Variants in FHOD3 observed in about 807,000 individuals in gnomAD.
FHOD3 encodes FH1/FH2 domain-containing protein 3.
A neutral mutation model predicts 173.0 loss-of-function variants in FHOD3; 90 were observed. That is an observed-to-expected ratio of 0.52 (90% CI 0.44 to 0.62). FHOD3 has a LOEUF of 0.62. Among genes scored for constraint, FHOD3 ranks in the 20% least tolerant of loss-of-function variants. FHOD3 has a pLI of 0.00. For synonymous variants in FHOD3, 828 were observed against 823.0 expected (o/e 1.01, Z -0.10); for missense variants, 1,945 against 2,034.7 (o/e 0.96, Z 0.85).
intron 13 of FHOD3, 52 bp from the exon 14 acceptor site, chr18:36,658,023 G>T: frequency 7.5e-7 from 1 of 1,332,480 alleles, no homozygotes; most frequent in South Asian, 1.2e-5. Flanking sequence ...TTACTGACTT[G>T]TACTTATTTC....
At chr18:36,678,353 A>G (rs2037997035) in intron 14 of FHOD3, among the ~76,000 whole-genome samples, 1 of 152,032 alleles carries the variant, frequency 6.6e-6, no homozygotes, top group Non-Finnish European at 1.5e-5. Context: ...CTTGAGCAAC[A>G]TGGCAAAACC....
At chr18:36,448,270 T>A (rs1208144881) in intron 3 of FHOD3, among the ~76,000 whole-genome samples, 1 of 152,230 alleles carries the variant, frequency 6.6e-6, no homozygotes, top group African/African-American at 2.4e-5. Context: ...GAGTCCACTC[T>A]GTATTTTCTG....
Position 36,747,013 on chromosome 18 carries a change from C to T in FHOD3, c.4110C>T (p.His1370=). ...MERRCKASWD[H]LKAIAKHEMK... Reference sequence around the variant, plus strand: ...GAAGATGCAAAGCTTCATGGGATCACCTCAAGGCAATTGCAAAACATGAAA... The same window carrying T: ...GAAGATGCAAAGCTTCATGGGATCATCTCAAGGCAATTGCAAAACATGAAA... Residue 1370 remains histidine (H), a synonymous_variant, in exon 24 of 29, where the codon CAC becomes CAT. Transcript: ENST00000590592. The T allele has an allele frequency of 6.2e-7, 1 of 1,613,956 alleles. No individual in the cohort carries two copies. The highest frequency in any genetic ancestry group is 8.5e-7 in the Non-Finnish European group (1 of 1,179,984).
intron 3 of FHOD3, among the ~76,000 whole-genome samples, chr18:36,438,412 C>T (rs1336724511): frequency 1.3e-5 from 2 of 152,110 alleles, no homozygotes; most frequent in African/African-American, 4.8e-5. Context: ...TAAAAACTTC[C>T]CTCTCCCACC....
chr18:36,658,008 C>A, intron 13 of FHOD3, 67 bp from the exon 14 acceptor site: 2 of 1,196,838 alleles, frequency 1.7e-6, no homozygotes, highest in Non-Finnish European at 2.5e-6. Context: ...TTTGCTAAGT[C>A]TTATTTACTG....
rs1365056549 is a variant in FHOD3, at chr18:36,614,863, T to G, written c.957+2768T>G. ...TGATTTTTTTTTTTTTTTTTTTTTT[T>G]TTTGAGATGGAGCTTTTTCTCTTGT... On this transcript the variant is annotated intron_variant, in intron 9 of 28. Coordinates refer to ENST00000590592, the MANE Select transcript of FHOD3 (RefSeq NM_001281740.3). Among the ~76,000 whole-genome samples the G allele has an allele frequency of 2.3e-5, 3 of 130,062 alleles. No individual in the cohort carries two copies. The East Asian group carries it at 5.8e-4, about 25-fold the overall frequency. 85.3% of individuals were successfully genotyped at this position (130,062 alleles called of 152,430 possible).
intron 5 of FHOD3, among the ~76,000 whole-genome samples, chr18:36,560,842 G>GTTTTTTTTTTTTTTTGTTT (rs1318480145): frequency 7.8e-6 from 1 of 127,574 alleles, no homozygotes; most frequent in African/African-American, 2.9e-5. Context: ...TTTTTTTTCT[G>GTTTTTTTTTTTTTTTGTTT]TTTTTTTTTT....
intron 3 of FHOD3, among the ~76,000 whole-genome samples, chr18:36,498,371 C>T (rs928968719): frequency 6.6e-6 from 1 of 152,026 alleles, no homozygotes; most frequent in African/African-American, 2.4e-5. Flanking sequence ...TAGGAAAAAA[C>T]CTCTAATGAA....
At chr18:36,563,360 C>T (rs1031627649) in intron 5 of FHOD3, among the ~76,000 whole-genome samples, 1 of 152,202 alleles carries the variant, frequency 6.6e-6, no homozygotes, top group Non-Finnish European at 1.5e-5. Flanking sequence ...GTGCCAGACA[C>T]TTCATAATAC....
chr18:36,321,840 C>G (rs1245216733), intron 1 of FHOD3, among the ~76,000 whole-genome samples: 1 of 152,220 alleles, frequency 6.6e-6, no homozygotes, highest in Non-Finnish European at 1.5e-5. Flanking sequence ...TTTCTGTTTC[C>G]TGCATTCACT....
intron 9 of FHOD3, among the ~76,000 whole-genome samples, chr18:36,624,454 A>C (rs2033941402): frequency 1.3e-5 from 2 of 152,202 alleles, no homozygotes; most frequent in Admixed American, 1.3e-4. Flanking sequence ...GCGTAGGCAT[A>C]ACAATTAGAG....
chr18:36,393,164 T>C (rs2048382163), intron 3 of FHOD3, among the ~76,000 whole-genome samples: 1 of 152,254 alleles, frequency 6.6e-6, no homozygotes, highest in Non-Finnish European at 1.5e-5. Flanking sequence ...CTGGGACGGC[T>C]GCAGGGCAGA....
chr18:36,718,674 C>A lies in FHOD3; in HGVS notation c.3376C>A (p.His1126Asn), dbSNP rs1423536599. The A allele has an allele frequency of 6.8e-6, 11 of 1,614,012 alleles. No individual in the cohort carries two copies. The South Asian group carries it at 1.1e-4, about 16-fold the overall frequency. Residue 1126 changes from histidine (H) to asparagine (N), a missense_variant, in exon 19 of 29, where the codon CAC (histidine) becomes AAC (asparagine). This residue lies in a region of FHOD3 where 231 missense variants were observed against 321.9 expected (regional missense o/e 0.72). Coordinates refer to ENST00000590592, the MANE Select transcript of FHOD3 (RefSeq NM_001281740.3). ...TAAGGTGGACACTTCCAGACTGGAGCACCTGTTTGAGTCTAAATCCAAGGA... is the reference window on the plus strand; with the variant it reads ...TAAGGTGGACACTTCCAGACTGGAGAACCTGTTTGAGTCTAAATCCAAGGA... ...PIKVDTSRLE[H>N]LFESKSKELS...
intron 24 of FHOD3, among the ~76,000 whole-genome samples, chr18:36,750,877 A>G (rs926474950): frequency 6.6e-6 from 1 of 152,160 alleles, no homozygotes; most frequent in Non-Finnish European, 1.5e-5. Context: ...TGCTGTCGCA[A>G]TTACTGTAGC....
At chr18:36,707,148 G>C (rs1419799091) in intron 17 of FHOD3, among the ~76,000 whole-genome samples, 1 of 152,188 alleles carries the variant, frequency 6.6e-6, no homozygotes, top group Non-Finnish European at 1.5e-5. Context: ...TCACAGCTGT[G>C]TGCCCATTGG....
At chr18:36,575,594 A>T (rs919352023) in intron 5 of FHOD3, among the ~76,000 whole-genome samples, 1 of 152,234 alleles carries the variant, frequency 6.6e-6, no homozygotes, top group Admixed American at 6.5e-5. Flanking sequence ...AGCATAAAAA[A>T]TGTTGTTTAG....
Position 36,742,813 on chromosome 18 carries a change from T to C in FHOD3, c.3836T>C (p.Leu1279Pro). Residue 1279 changes from leucine (L) to proline (P), a missense_variant, in exon 22 of 29, where the codon CTG becomes CCG. Physicochemically the swap from Leu to Pro is moderately conservative, Grantham distance 98. Around this residue, in one of 5 missense-constraint regions of FHOD3, gnomAD observed 231 missense variants for 321.9 expected, o/e 0.72. Coordinates refer to ENST00000590592, the MANE Select transcript of FHOD3 (RefSeq NM_001281740.3). ...LENNKTLGFI[L>P]STLLAIGNFL... ...AACAATAAAACCTTGGGCTTTATCC[T>C]GTCTACTCTCTTAGCCATTGGGAAC... The C allele has an allele frequency of 6.2e-7, 1 of 1,614,104 alleles. No individual in the cohort carries two copies. Among genetic ancestry groups the C allele is most frequent in the Non-Finnish European group, 8.5e-7 (1 of 1,179,976 alleles).
intron 5 of FHOD3, among the ~76,000 whole-genome samples, chr18:36,535,194 T>C (rs1467899136): frequency 1.3e-5 from 2 of 152,144 alleles, no homozygotes; most frequent in Non-Finnish European, 2.9e-5. Flanking sequence ...GTCAGTTGCT[T>C]AGGTGAAATA....
intron 3 of FHOD3, among the ~76,000 whole-genome samples, chr18:36,468,008 A>C (rs922514476): frequency 2.0e-5 from 3 of 152,248 alleles, no homozygotes; most frequent in African/African-American, 7.2e-5. Context: ...CTGTCCGCAC[A>C]GCAGGATAGT....
Sources: allele counts gnomAD v4.1 joint callset (sites outside exome capture counted in the v4.1 genomes callset), GRCh38; gene constraint gnomAD v4.1.1; regional missense constraint gnomAD v4.1.1; transcripts MANE v1.5; gene names NCBI Gene and HGNC (gene_info 2026-07-23, HGNC 2026-07-21).